The following JAKMIP3 variants were observed in gnomAD, a reference collection of about 807,000 sequenced individuals.
The protein encoded by JAKMIP3 is janus kinase and microtubule-interacting protein 3.
In JAKMIP3, 58 loss-of-function variants were observed where a neutral mutation model predicts 118.5. The ratio of observed to expected loss-of-function variants is 0.49; its 90% CI spans 0.40 to 0.61. The LOEUF (loss-of-function observed/expected upper bound fraction) is 0.61, where lower values mean the gene tolerates loss of function less well. JAKMIP3 is among the 20% of genes least tolerant of loss of function. The pLI is 0.00. For synonymous variants in JAKMIP3, 486 were observed against 451.2 expected (o/e 1.08, Z -0.98); for missense variants, 950 against 1,109.0 (o/e 0.86, Z 2.04).
At chr10:132,163,472 A>AG (rs778671472) in intron 20 of JAKMIP3, 60 bp downstream of exon 20, 100 of 1,468,630 alleles carry the variant, frequency 6.8e-5, no homozygotes, top group East Asian at 3.4e-4. Context: ...GCACAGAGCC[A>AG]GGGGGGGTCC....
At chr10:132,155,788 A>T (rs2136273666) in intron 19 of JAKMIP3, among the ~76,000 whole-genome samples, 1 of 152,338 alleles carries the variant, frequency 6.6e-6, no homozygotes, top group Non-Finnish European at 1.5e-5. Context: ...AGCAGCTCAC[A>T]GGTTGCCAGC....
intron 8 of JAKMIP3, 59 bp from the exon 9 acceptor site, chr10:132,138,060 G>C (rs1032405493): frequency 6.7e-7 from 1 of 1,503,526 alleles, no homozygotes; most frequent in African/African-American, 1.4e-5. Context: ...GTAAACCGTG[G>C]ACTGAAACCG....
At chr10:132,079,748 C>T (rs951873769) in intron 1 of JAKMIP3, among the ~76,000 whole-genome samples, 1 of 152,180 alleles carries the variant, frequency 6.6e-6, no homozygotes, top group South Asian at 2.1e-4. Context: ...TCCTCACTTC[C>T]CCTCGTCCAG....
At chr10:132,067,707 GTGGGCTTCCGTGTGGACTC>G (rs1432782959) in intron 1 of JAKMIP3, among the ~76,000 whole-genome samples, 228 of 149,230 alleles carry the variant, frequency 1.5e-3, no homozygotes, top group African/African-American at 5.4e-3. Flanking sequence ...CGTGTGGACT[GTGGGCTTCCGTGTGGACTC>G]TGGGCTTCCA....
At chr10:132,145,624 G>A (rs1320102467) in intron 13 of JAKMIP3, 44 bp downstream of exon 13, 3 of 1,502,184 alleles carry the variant, frequency 2.0e-6, no homozygotes, top group Admixed American at 3.9e-5. Flanking sequence ...CTCGCTCTAT[G>A]CTCCTGGGGG....
chr10:132,150,118 C>T, intron 16 of JAKMIP3, 77 bp downstream of exon 16: 1 of 1,197,528 alleles, frequency 8.4e-7, no homozygotes, highest in Non-Finnish European at 1.2e-6. Context: ...TCCAGGAGGC[C>T]CTGCCAGCCT....
intron 1 of JAKMIP3, among the ~76,000 whole-genome samples, chr10:132,076,808 A>G (rs2040871632): frequency 7.4e-6 from 1 of 135,288 alleles, no homozygotes; most frequent in Non-Finnish European, 1.6e-5. Flanking sequence ...CGGTGGCCCC[A>G]GGTATGATGG....
chr10:132,091,475 G>A (rs917909052), intron 1 of JAKMIP3, among the ~76,000 whole-genome samples: 3 of 152,110 alleles, frequency 2.0e-5, no homozygotes, highest in Non-Finnish European at 4.4e-5. Flanking sequence ...GTGCATATAT[G>A]TTTAGGATAG....
intron 19 of JAKMIP3, among the ~76,000 whole-genome samples, 169 bp downstream of exon 19, chr10:132,154,159 G>A (rs577145844): frequency 6.6e-6 from 1 of 152,254 alleles, no homozygotes; most frequent in South Asian, 2.1e-4. Context: ...AGAGCTGCCT[G>A]ATGGGGTCTT....
At chr10:132,050,941 G>GT (rs1340330123) in intron 1 of JAKMIP3, among the ~76,000 whole-genome samples, 2 of 150,348 alleles carry the variant, frequency 1.3e-5, no homozygotes, top group Non-Finnish European at 3.0e-5. Flanking sequence ...GTTCTGGTGA[G>GT]TGGGTACCTG....
At chr10:132,180,526 T>A (rs1399777847) in intron 23 of JAKMIP3, among the ~76,000 whole-genome samples, 1 of 34,000 alleles carries the variant, frequency 2.9e-5, no homozygotes, top group Admixed American at 3.0e-4. Flanking sequence ...AGCAGAACTG[T>A]GTGTGTGTGT....
chr10:132,055,659 C>T (rs192967084), intron 1 of JAKMIP3, among the ~76,000 whole-genome samples: 53 of 152,266 alleles, frequency 3.5e-4, no homozygotes, highest in African/African-American at 1.2e-3. Context: ...TTAATGCCTG[C>T]TCTCACTTCA....
At chr10:132,172,062 G>C (rs187542664) in intron 23 of JAKMIP3, among the ~76,000 whole-genome samples, 2 of 152,216 alleles carry the variant, frequency 1.3e-5, no homozygotes, top group African/African-American at 4.8e-5. Flanking sequence ...TCTGTTCCAG[G>C]ACCCCACGTT....
At chr10:132,041,333 C>T (rs577645753) in intron 1 of JAKMIP3, among the ~76,000 whole-genome samples, 10 of 152,236 alleles carry the variant, frequency 6.6e-5, no homozygotes, top group Admixed American at 2.6e-4. Context: ...TGGCTGGGTC[C>T]GGGTGGGCTG....
chr10:132,134,558 C>T (rs1345050685), intron 4 of JAKMIP3, among the ~76,000 whole-genome samples: 1 of 152,200 alleles, frequency 6.6e-6, no homozygotes. Context: ...AAGTCTCCCA[C>T]AAGTGTCTTT....
At chr10:132,180,760 CGT>C (rs1205299432) in intron 23 of JAKMIP3, among the ~76,000 whole-genome samples, 381 of 14,724 alleles carry the variant, frequency 0.026, 140 homozygotes, top group East Asian at 0.047. Flanking sequence ...CGCGTGTGTG[CGT>C]GTGTGTGCGT....
intron 1 of JAKMIP3, among the ~76,000 whole-genome samples, chr10:132,053,766 G>A (rs1368429851): frequency 6.6e-6 from 1 of 151,696 alleles, no homozygotes; most frequent in East Asian, 1.9e-4. Flanking sequence ...CAGGTGTGGT[G>A]GCTCACGCCT....
chr10:132,180,788 T>TGTGTGTGCGCGCGC (rs1491365450), intron 23 of JAKMIP3, among the ~76,000 whole-genome samples: 1 of 10,730 alleles, frequency 9.3e-5, no homozygotes, highest in African/African-American at 3.4e-4. Flanking sequence ...TGTGTGCGCG[T>TGTGTGTGCGCGCGC]ATGCATGTGC....
At chr10:132,159,143 C>G in intron 19 of JAKMIP3, among the ~76,000 whole-genome samples, 1 of 95,556 alleles carries the variant, frequency 1.0e-5, no homozygotes, top group Admixed American at 1.2e-4. Flanking sequence ...GGCGTCTCTC[C>G]TTGTGTGATG....
Sources: allele counts gnomAD v4.1 joint callset (sites outside exome capture counted in the v4.1 genomes callset), GRCh38; gene constraint gnomAD v4.1.1; transcripts MANE v1.5; gene names NCBI Gene and HGNC (gene_info 2026-07-23, HGNC 2026-07-21).